RGS7: variants seen among roughly 807,000 people sequenced by gnomAD.
The protein encoded by RGS7 is regulator of G-protein signaling 7.
Under a neutral mutation model 81.1 loss-of-function variants are expected in RGS7, and 27 were observed. The observed-to-expected ratio is 0.33, with a 90% confidence interval of 0.25 to 0.46. The LOEUF (loss-of-function observed/expected upper bound fraction) is 0.46. RGS7 is among the 20% of genes least tolerant of loss of function. RGS7 has a pLI of 1.00. For synonymous variants in RGS7, 208 were observed against 207.7 expected, an observed-to-expected ratio of 1.00 and a Z score of -0.01; for missense variants, 396 against 607.4, an observed-to-expected ratio of 0.65 and a Z score of 3.66.
intron 3 of RGS7, among the ~76,000 whole-genome samples, chr1:240,991,647 T>C (rs1686476495): frequency 6.6e-6 from 1 of 152,228 alleles, no homozygotes; most frequent in African/African-American, 2.4e-5. Context: ...ATTGGATCCC[T>C]TTTTAAAGAC....
intron 3 of RGS7, chr1:240,998,673 G>C (rs989041351): frequency 9.6e-6 from 11 of 1,149,338 alleles, no homozygotes; most frequent in African/African-American, 4.6e-5. Context: ...AGGCCAAAAG[G>C]GTTCAACATT....
chr1:241,113,916 ACT>A (rs1236598765), intron 2 of RGS7, among the ~76,000 whole-genome samples: 1 of 151,756 alleles, frequency 6.6e-6, no homozygotes, highest in East Asian at 1.9e-4. Flanking sequence ...CTTATGACAC[ACT>A]CTGTATTACA....
chr1:240,864,930 T>G (rs1361006704), intron 9 of RGS7, among the ~76,000 whole-genome samples: 1 of 152,180 alleles, frequency 6.6e-6, no homozygotes, highest in Non-Finnish European at 1.5e-5. Flanking sequence ...AGGAGCTGCA[T>G]TTGCATTATC....
chr1:241,179,123 C>G (rs549011278), intron 2 of RGS7, among the ~76,000 whole-genome samples: 1 of 152,300 alleles, frequency 6.6e-6, no homozygotes, highest in African/African-American at 2.4e-5. Flanking sequence ...GAGACAGAGT[C>G]TCACTCTGTG....
At chr1:241,071,874 C>CAAAAAAAAAAAAAAAAAAAAAAAA (rs58217460) in intron 3 of RGS7, among the ~76,000 whole-genome samples, 15 of 56,846 alleles carry the variant, frequency 2.6e-4, no homozygotes, top group South Asian at 9.0e-4. Flanking sequence ...GAGACCCTGT[C>CAAAAAAAAAAAAAAAAAAAAAAAA]AAAAAAAAAA....
At chr1:241,233,126 T>C (rs2075757566) in intron 2 of RGS7, among the ~76,000 whole-genome samples, 1 of 152,226 alleles carries the variant, frequency 6.6e-6, no homozygotes, top group African/African-American at 2.4e-5. Flanking sequence ...CTTCTAAAAA[T>C]TGATACATGT....
intron 2 of RGS7, among the ~76,000 whole-genome samples, chr1:241,209,351 C>A (rs2074111022): frequency 6.6e-6 from 1 of 152,114 alleles, no homozygotes. Flanking sequence ...ATTTAACAAA[C>A]CGCGAGCTTA....
chr1:241,121,699 T>C (rs1338740112), intron 2 of RGS7, among the ~76,000 whole-genome samples: 2 of 142,668 alleles, frequency 1.4e-5, no homozygotes, highest in Non-Finnish European at 3.0e-5. Flanking sequence ...TCCACCTGTG[T>C]TGCAATTGTT....
At chr1:240,884,034 C>T (rs866072322) in intron 6 of RGS7, among the ~76,000 whole-genome samples, 1 of 140,152 alleles carries the variant, frequency 7.1e-6, no homozygotes, top group Admixed American at 7.9e-5. Flanking sequence ...TGAGATCACG[C>T]CATTGCACTC....
chr1:240,912,988 C>T (rs998471972), intron 6 of RGS7, among the ~76,000 whole-genome samples: 1 of 152,078 alleles, frequency 6.6e-6, no homozygotes, highest in Non-Finnish European at 1.5e-5. Context: ...AAACCAGTAG[C>T]ACAGGTCGGT....
At chr1:241,227,404 G>A (rs577422077) in intron 2 of RGS7, among the ~76,000 whole-genome samples, 9 of 152,126 alleles carry the variant, frequency 5.9e-5, no homozygotes, top group South Asian at 2.1e-4. Flanking sequence ...GAGGCGGCAG[G>A]CAATTGGTAC....
intron 2 of RGS7, among the ~76,000 whole-genome samples, chr1:241,124,047 C>T (rs907203150): frequency 7.9e-5 from 12 of 151,982 alleles, no homozygotes; most frequent in African/African-American, 2.4e-4. Context: ...TTAGGTCAAG[C>T]ATTAATAAAG....
intron 18 of RGS7, among the ~76,000 whole-genome samples, chr1:240,796,708 A>G (rs1687130861): frequency 6.6e-6 from 1 of 151,958 alleles, no homozygotes; most frequent in Non-Finnish European, 1.5e-5. Context: ...AATAACAACA[A>G]ACAGATTTGA....
intron 4 of RGS7, among the ~76,000 whole-genome samples, chr1:240,944,381 T>G (rs1678243346): frequency 6.9e-6 from 1 of 145,846 alleles, no homozygotes; most frequent in South Asian, 2.2e-4. Context: ...TCATGCTTAC[T>G]TCATCTAAGT....
intron 4 of RGS7, among the ~76,000 whole-genome samples, chr1:240,982,802 A>G (rs1453106367): frequency 6.6e-6 from 1 of 152,220 alleles, no homozygotes; most frequent in Non-Finnish European, 1.5e-5. Context: ...TATTTTATGG[A>G]CATGTATACA....
chr1:241,079,620 A>T (rs2815847), intron 3 of RGS7, among the ~76,000 whole-genome samples: 56,287 of 151,960 alleles, frequency 0.37, 12,989 homozygotes, highest in African/African-American at 0.66. Context: ...TCTACTTATG[A>T]TTAAACAGAA....
intron 2 of RGS7, among the ~76,000 whole-genome samples, chr1:241,325,144 T>C (rs760072305): frequency 6.6e-6 from 1 of 152,202 alleles, no homozygotes; most frequent in South Asian, 2.1e-4. Flanking sequence ...TAAAATAGAA[T>C]CCTGTTGCTA....
At chr1:240,899,014 A>T (rs1408848946) in intron 6 of RGS7, among the ~76,000 whole-genome samples, 2 of 152,170 alleles carry the variant, frequency 1.3e-5, no homozygotes, top group Non-Finnish European at 2.9e-5. Flanking sequence ...TTCTTATTGA[A>T]TTGATCCCTT....
chr1:241,342,371 T>C (rs2082617650), intron 2 of RGS7, among the ~76,000 whole-genome samples: 1 of 152,140 alleles, frequency 6.6e-6, no homozygotes, highest in African/African-American at 2.4e-5. Flanking sequence ...TCCAGTGGAA[T>C]GAAGGAGATC....
Sources: allele counts gnomAD v4.1 joint callset (sites outside exome capture counted in the v4.1 genomes callset), GRCh38; gene constraint gnomAD v4.1.1; transcripts MANE v1.5; gene names NCBI Gene and HGNC (gene_info 2026-07-23, HGNC 2026-07-21).